The following CNTN4 variants were observed in gnomAD, a reference collection of about 807,000 sequenced individuals.
CNTN4 encodes the protein contactin-4.
In CNTN4, 77 loss-of-function variants were observed where a neutral mutation model predicts 122.5. That is an observed-to-expected ratio of 0.63 (90% CI 0.52 to 0.76). CNTN4 has a LOEUF of 0.76. CNTN4 is among the 30% of genes least tolerant of loss of function. The pLI is 0.00. For missense variants in CNTN4, 1,256 were observed against 1,259.1 expected, an observed-to-expected ratio of 1.00 and a Z score of 0.04; for synonymous variants, 512 against 447.0, an observed-to-expected ratio of 1.15 and a Z score of -1.83.
intron 3 of CNTN4, among the ~76,000 whole-genome samples, chr3:2,564,433 C>T (rs528236055): frequency 8.6e-5 from 13 of 151,928 alleles, no homozygotes; most frequent in African/African-American, 2.9e-4. Flanking sequence ...TGATATAATC[C>T]GAAAAATTGT....
rs1262163239 is a variant in CNTN4, at chr3:2,313,666, A to G, written c.-144-25512A>G. ...TGCTCATACAGTCACTCCCAACTAT[A>G]TGTTTGATATACTTTCTTAACCATT... On this transcript the variant is annotated intron_variant, in intron 2 of 24. Transcript: ENST00000418658. 2.6e-5 allele frequency among the ~76,000 whole-genome samples: 4 copies of G among 152,004 alleles called. No homozygotes were observed. In the East Asian group the frequency reaches 5.8e-4, roughly 22 times the overall value.
At chr3:2,208,065 A>G (rs1218673505) in intron 2 of CNTN4, among the ~76,000 whole-genome samples, 8 of 152,152 alleles carry the variant, frequency 5.3e-5, no homozygotes, top group Non-Finnish European at 8.8e-5. Context: ...CAGTTCATTG[A>G]TCAAGGAGTA....
intron 23 of CNTN4, 87 bp from the exon 24 acceptor site, chr3:3,053,720 G>T: frequency 7.1e-7 from 1 of 1,401,194 alleles, no homozygotes; most frequent in Non-Finnish European, 1.0e-6. Flanking sequence ...CATTTTGCTC[G>T]TGCCCAGAGG....
At chr3:2,318,446 C>G (rs1160046017) in intron 2 of CNTN4, among the ~76,000 whole-genome samples, 1 of 152,096 alleles carries the variant, frequency 6.6e-6, no homozygotes, top group East Asian at 1.9e-4. Flanking sequence ...CATCAGGATT[C>G]CTTTCTCTTG....
rs1189106610 is a variant in CNTN4, at chr3:2,327,142, T to TGTGTGC, written c.-144-12031_-144-12030insCGTGTG. ...AGACTCCTGGGAATAGATGTGTGTG[T>TGTGTGC]GTGTGTGTGTTTGTGTGTGTGTGTG... is the stretch of plus-strand genomic sequence containing the variant. On this transcript the variant is annotated intron_variant, in intron 2 of 24. Coordinates refer to ENST00000418658, the MANE Select transcript of CNTN4 (RefSeq NM_175607.3). Among the ~76,000 whole-genome samples the TGTGTGC allele has an allele frequency of 1.2e-3, 156 of 133,364 alleles. 2 individuals carry two copies. The highest frequency in any genetic ancestry group is 4.2e-3 in the African/African-American group (149 of 35,328). The allele number at this position is 133,364 out of a possible 152,430, so 87.5% of individuals were successfully genotyped here. A position where few individuals can be genotyped will look rare whatever the true frequency, so the allele number is the denominator to read the frequency against.
chr3:2,535,372 A>C (rs2077761598), intron 3 of CNTN4, among the ~76,000 whole-genome samples: 1 of 152,066 alleles, frequency 6.6e-6, no homozygotes, highest in South Asian at 2.1e-4. Flanking sequence ...TTCACTTCTA[A>C]GTTTCAGTTT....
chr3:2,135,675 A>G (rs558474563), intron 2 of CNTN4, among the ~76,000 whole-genome samples: 43 of 152,298 alleles, frequency 2.8e-4, no homozygotes, highest in African/African-American at 9.9e-4. Context: ...GTCAATGCAG[A>G]TGAAGGGGTG....
chr3:2,777,519 T>A (rs2091372785), intron 6 of CNTN4, among the ~76,000 whole-genome samples: 1 of 152,194 alleles, frequency 6.6e-6, no homozygotes, highest in Admixed American at 6.5e-5. Flanking sequence ...CCTTACCCTC[T>A]CTGGTAGCAG....
intron 3 of CNTN4, among the ~76,000 whole-genome samples, chr3:2,552,892 C>T (rs770903508): frequency 7.4e-4 from 112 of 152,252 alleles, no homozygotes; most frequent in Non-Finnish European, 1.1e-3. Context: ...TGACGTGCTA[C>T]GGCATGGCGA....
chr3:2,320,442 A>G (rs987577981), intron 2 of CNTN4, among the ~76,000 whole-genome samples: 1 of 152,150 alleles, frequency 6.6e-6, no homozygotes, highest in Non-Finnish European at 1.5e-5. Context: ...ATTTGGCTTC[A>G]TTTACCTTTC....
At chr3:2,364,055 A>C (rs2045271856) in intron 3 of CNTN4, among the ~76,000 whole-genome samples, 1 of 152,064 alleles carries the variant, frequency 6.6e-6, no homozygotes. Flanking sequence ...TTGCCTGGAT[A>C]TAGTGCTATA....
chr3:2,507,780 T>A (rs2076774280), intron 3 of CNTN4, among the ~76,000 whole-genome samples: 1 of 151,160 alleles, frequency 6.6e-6, no homozygotes, highest in Admixed American at 6.6e-5. Context: ...ATTGGCTTTT[T>A]TTTTTTAGCC....
intron 7 of CNTN4, among the ~76,000 whole-genome samples, chr3:2,842,625 A>T (rs369939247): frequency 1.3e-5 from 2 of 152,280 alleles, no homozygotes; most frequent in South Asian, 2.1e-4. Context: ...CCCTCAGTCC[A>T]TTGGGACTTT....
chr3:2,327,694 G>A (rs1445458303), intron 2 of CNTN4, among the ~76,000 whole-genome samples: 2 of 152,134 alleles, frequency 1.3e-5, no homozygotes, highest in East Asian at 3.9e-4. Context: ...TAGTGCAGTG[G>A]TGGGAACTAG....
At chr3:2,732,160 G>A (rs2088734324) in intron 4 of CNTN4, among the ~76,000 whole-genome samples, 1 of 152,182 alleles carries the variant, frequency 6.6e-6, no homozygotes, top group Non-Finnish European at 1.5e-5. Context: ...CTAGGAGTGG[G>A]TCTAAAACCG....
chr3:2,286,312 G>A (rs948269375), intron 2 of CNTN4, among the ~76,000 whole-genome samples: 5 of 145,018 alleles, frequency 3.4e-5, no homozygotes, highest in African/African-American at 1.0e-4. Flanking sequence ...TTTTGGTTGT[G>A]TATACACCAG....
chr3:2,558,013 T>C (rs2078792607), intron 3 of CNTN4, among the ~76,000 whole-genome samples: 1 of 152,208 alleles, frequency 6.6e-6, no homozygotes, highest in Non-Finnish European at 1.5e-5. Flanking sequence ...GTATACTGTA[T>C]GTACATATCT....
chr3:2,415,098 T>C (rs947988537), intron 3 of CNTN4, among the ~76,000 whole-genome samples: 7 of 152,234 alleles, frequency 4.6e-5, no homozygotes, highest in Middle Eastern at 3.2e-3. Flanking sequence ...TTTTTTATAC[T>C]GTGGATGAGG....
At chr3:2,536,165 C>T (rs2149265782) in intron 3 of CNTN4, among the ~76,000 whole-genome samples, 1 of 152,250 alleles carries the variant, frequency 6.6e-6, no homozygotes, top group Admixed American at 6.6e-5. Flanking sequence ...AACCACATCT[C>T]CCACCATATA....
Sources: allele counts gnomAD v4.1 joint callset (sites outside exome capture counted in the v4.1 genomes callset), GRCh38; gene constraint gnomAD v4.1.1; transcripts MANE v1.5; gene names NCBI Gene and HGNC (gene_info 2026-07-23, HGNC 2026-07-21).